The following LINGO2 variants were observed in gnomAD, a reference collection of about 807,000 sequenced individuals.
LINGO2 encodes the protein leucine rich repeat and Ig domain containing 2.
In LINGO2, 14 loss-of-function variants were observed where a neutral mutation model predicts 30.6. That is an observed-to-expected ratio of 0.46 (90% CI 0.30 to 0.72). The LOEUF is 0.72. Among genes scored for constraint, LINGO2 ranks in the 30% least tolerant of loss-of-function variants. The pLI is 0.07. For missense variants in LINGO2, 729 were observed against 751.7 expected, an observed-to-expected ratio of 0.97 and a Z score of 0.35; for synonymous variants, 317 against 288.5, an observed-to-expected ratio of 1.10 and a Z score of -1.00.
At chr9:28,546,031 T>G (rs773759131) in intron 1 of LINGO2, among the ~76,000 whole-genome samples, 3 of 152,052 alleles carry the variant, frequency 2.0e-5, no homozygotes, top group Non-Finnish European at 4.4e-5. Context: ...TTTATCTTCA[T>G]AAGGCACAGA....
chr9:28,213,995 C>T (rs1057330987), intron 4 of LINGO2, among the ~76,000 whole-genome samples: 2 of 151,438 alleles, frequency 1.3e-5, no homozygotes, highest in African/African-American at 2.4e-5. Flanking sequence ...TCAGAAGACA[C>T]AGGAGGATTT....
the LINGO2 span, among the ~76,000 whole-genome samples, chr9:28,727,656 C>T: frequency 6.6e-6 from 1 of 152,116 alleles, no homozygotes; most frequent in African/African-American, 2.4e-5. Context: ...AAACAGTCAA[C>T]TGGGTACTGA....
At chr9:28,633,521 G>A (rs1827100694) in intron 1 of LINGO2, among the ~76,000 whole-genome samples, 1 of 152,096 alleles carries the variant, frequency 6.6e-6, no homozygotes. Context: ...TGATTTTGAG[G>A]TAAAAGCTCT....
At chr9:29,195,239 A>G in the LINGO2 span, among the ~76,000 whole-genome samples, 1 of 152,148 alleles carries the variant, frequency 6.6e-6, no homozygotes, top group Non-Finnish European at 1.5e-5. Context: ...TACGCAGTGG[A>G]TACCACAGTC....
At chr9:28,270,939 A>G (rs1193874611) in intron 4 of LINGO2, among the ~76,000 whole-genome samples, 1 of 152,124 alleles carries the variant, frequency 6.6e-6, no homozygotes, top group Non-Finnish European at 1.5e-5. Flanking sequence ...GGCTGAGCAG[A>G]GCCTATGTCT....
At chr9:28,409,640 T>A (rs1822667473) in intron 2 of LINGO2, among the ~76,000 whole-genome samples, 1 of 151,858 alleles carries the variant, frequency 6.6e-6, no homozygotes, top group Non-Finnish European at 1.5e-5. Context: ...TGTGTGTGTG[T>A]GTGTGTGTGT....
Position 28,329,910 on chromosome 9 carries a change from G to T in LINGO2, c.-245-34544C>A, listed in dbSNP as rs75425161. On this transcript the variant is annotated intron_variant, in intron 3 of 5. Coordinates refer to ENST00000379992, the Ensembl canonical transcript of LINGO2. This position sits in a 1 kb window ranked among gnomAD's most constrained non-coding sequence, Gnocchi z 4.5. The stretch of plus-strand genomic sequence containing the variant: ...ATTTGTGTATTTAGCTCTTCCAATA[G>T]ACACTTTCTTTTAATTTTTATGTAT... Among the ~76,000 whole-genome samples the T allele has an allele frequency of 6.6e-6, 1 of 151,994 alleles. No homozygotes were observed. The highest frequency in any genetic ancestry group is 1.9e-4 in the East Asian group (1 of 5,182).
the LINGO2 span, among the ~76,000 whole-genome samples, chr9:28,930,989 C>A: frequency 2.5e-3 from 383 of 152,288 alleles, 2 homozygotes; most frequent in Non-Finnish European, 4.9e-3. This position sits in a 1 kb window ranked among gnomAD's most constrained non-coding sequence, Gnocchi z 4.2. Context: ...TCCACATGAG[C>A]CATTCCTTCT....
At chr9:28,575,398 AAAAAAAAAACAAC>A (rs1823912854) in intron 1 of LINGO2, among the ~76,000 whole-genome samples, 1 of 150,880 alleles carries the variant, frequency 6.6e-6, no homozygotes, top group Non-Finnish European at 1.5e-5. Flanking sequence ...CTCCGTCTCA[AAAAAAAAAACAAC>A]AAAAAAAACA....
intron 2 of LINGO2, among the ~76,000 whole-genome samples, chr9:28,460,478 C>T (rs538037974): frequency 6.6e-6 from 1 of 152,006 alleles, no homozygotes; most frequent in South Asian, 2.1e-4. Context: ...TTTTAAAGTC[C>T]AGATTATAGA....
At chr9:28,888,978 A>G in the LINGO2 span, 5 of 517,484 alleles carry the variant, frequency 9.7e-6, no homozygotes, top group East Asian at 1.1e-4. Flanking sequence ...AGCAGGAACC[A>G]TTTGCAGATA....
intron 4 of LINGO2, among the ~76,000 whole-genome samples, chr9:28,037,021 T>A (rs1284425783): frequency 6.6e-6 from 1 of 152,238 alleles, no homozygotes; most frequent in Non-Finnish European, 1.5e-5. Flanking sequence ...GCACACATCT[T>A]GATGTATCTG....
the LINGO2 span, among the ~76,000 whole-genome samples, chr9:28,714,188 T>TATATATATATATATACACAC: frequency 6.8e-5 from 5 of 73,382 alleles, no homozygotes; most frequent in Admixed American, 1.6e-4. Flanking sequence ...TATATATATA[T>TATATATATATATATACACAC]ACACACATAC....
chr9:27,946,594 A>G (rs1256489770), downstream of LINGO2, among the ~76,000 whole-genome samples: 1 of 152,118 alleles, frequency 6.6e-6, no homozygotes, highest in African/African-American at 2.4e-5. Context: ...ATGCTGCAAA[A>G]TAGTTTCTAT....
chr9:29,016,516 A>G, the LINGO2 span, among the ~76,000 whole-genome samples: 27 of 152,172 alleles, frequency 1.8e-4, no homozygotes, highest in Admixed American at 1.5e-3. Context: ...TAAAAGACAT[A>G]AACTAACAAA....
At chr9:28,657,117 C>A (rs971628467) in intron 1 of LINGO2, among the ~76,000 whole-genome samples, 12 of 149,262 alleles carry the variant, frequency 8.0e-5, no homozygotes, top group Admixed American at 4.7e-4. Context: ...TCTTGACCCA[C>A]CAAAAAAAAT....
the LINGO2 span, among the ~76,000 whole-genome samples, chr9:29,116,805 G>A: frequency 6.6e-6 from 1 of 152,088 alleles, no homozygotes; most frequent in East Asian, 1.9e-4. Context: ...TTAAGTGGCT[G>A]TCATTATTGC....
chr9:28,942,416 A>G, the LINGO2 span, among the ~76,000 whole-genome samples: 4 of 152,260 alleles, frequency 2.6e-5, no homozygotes, highest in East Asian at 1.9e-4. Flanking sequence ...ATGGCATTCA[A>G]TTATAGAAAT....
the LINGO2 span, among the ~76,000 whole-genome samples, chr9:29,198,824 A>G: frequency 1.2e-4 from 18 of 152,218 alleles, 1 homozygote; most frequent in Admixed American, 8.5e-4. Flanking sequence ...AATAATCCCA[A>G]CATAGGGGAT....
Sources: allele counts gnomAD v4.1 joint callset (sites outside exome capture counted in the v4.1 genomes callset), GRCh38; gene constraint gnomAD v4.1.1; non-coding constraint Gnocchi (gnomAD v3.1); transcripts MANE v1.5; gene names NCBI Gene and HGNC (gene_info 2026-07-23, HGNC 2026-07-21).